NAALADL2: variants seen among roughly 807,000 people sequenced by gnomAD.
The protein encoded by NAALADL2 is inactive N-acetylated-alpha-linked acidic dipeptidase-like protein 2.
A neutral mutation model predicts 87.2 loss-of-function variants in NAALADL2; 76 were observed. The ratio of observed to expected loss-of-function variants is 0.87; its 90% CI spans 0.72 to 1.05. The LOEUF (loss-of-function observed/expected upper bound fraction) is 1.05. NAALADL2 is among the 50% of genes least tolerant of loss of function. NAALADL2 has a pLI of 0.00. For synonymous variants in NAALADL2, 354 were observed against 331.0 expected (o/e 1.07, Z -0.75); for missense variants, 1,089 against 945.8 (o/e 1.15, Z -1.99).
At chr3:175,573,826 G>A (rs1295523690) in intron 9 of NAALADL2, among the ~76,000 whole-genome samples, 1 of 152,058 alleles carries the variant, frequency 6.6e-6, no homozygotes, top group Non-Finnish European at 1.5e-5. Flanking sequence ...GCTGGTGGGG[G>A]GTGGGGGTCA....
chr3:175,486,208 A>ATAT (rs1350497114), intron 9 of NAALADL2, among the ~76,000 whole-genome samples: 2 of 152,218 alleles, frequency 1.3e-5, no homozygotes, highest in African/African-American at 4.8e-5. Flanking sequence ...CCACTGCAAG[A>ATAT]CTACATCATA....
At chr3:175,307,839 T>A (rs1436950717) in intron 4 of NAALADL2, among the ~76,000 whole-genome samples, 1 of 152,190 alleles carries the variant, frequency 6.6e-6, no homozygotes, top group East Asian at 1.9e-4. Context: ...CACCTCACAA[T>A]GTTCTGTTGT....
chr3:174,543,700 A>G (rs1025878910), intron 1 of NAALADL2, among the ~76,000 whole-genome samples: 3 of 152,092 alleles, frequency 2.0e-5, no homozygotes, highest in Non-Finnish European at 4.4e-5. Context: ...GTATTATGTA[A>G]GCATAATTTA....
chr3:175,122,586 A>G (rs1726316682), intron 2 of NAALADL2, among the ~76,000 whole-genome samples: 1 of 151,808 alleles, frequency 6.6e-6, no homozygotes, highest in African/African-American at 2.4e-5. Flanking sequence ...AGAATTTATC[A>G]TCTAGTATTA....
chr3:175,259,428 TAGTC>T (rs768272626), intron 4 of NAALADL2, among the ~76,000 whole-genome samples: 10 of 152,180 alleles, frequency 6.6e-5, no homozygotes, highest in African/African-American at 1.2e-4. Flanking sequence ...TTATTAACAA[TAGTC>T]AGAGGAATAG....
At chr3:175,003,634 A>G (rs1748552500) in intron 1 of NAALADL2, among the ~76,000 whole-genome samples, 1 of 152,204 alleles carries the variant, frequency 6.6e-6, no homozygotes, top group African/African-American at 2.4e-5. Context: ...CTCATTACAT[A>G]TGAAAAAAAA....
intron 2 of NAALADL2, among the ~76,000 whole-genome samples, chr3:174,572,501 A>G (rs958061222): frequency 3.0e-4 from 46 of 152,176 alleles, no homozygotes; most frequent in Non-Finnish European, 6.2e-4. Context: ...TGCAGTAATC[A>G]TTTCTTTTGG....
intron 13 of NAALADL2, among the ~76,000 whole-genome samples, chr3:175,792,379 A>T (rs1472369429): frequency 6.6e-6 from 1 of 152,190 alleles, no homozygotes; most frequent in Non-Finnish European, 1.5e-5. Flanking sequence ...TTTGTGATCA[A>T]CATTCATAGA....
intron 6 of NAALADL2, among the ~76,000 whole-genome samples, chr3:175,452,228 A>ATT (rs10661611): frequency 0.6 from 91,177 of 151,062 alleles, 28,873 homozygotes; most frequent in South Asian, 0.75. Context: ...ATGTCTTCAG[A>ATT]TTCTCTCTCT....
intron 3 of NAALADL2, among the ~76,000 whole-genome samples, chr3:175,241,302 C>G (rs1176819566): frequency 6.6e-6 from 1 of 152,088 alleles, no homozygotes; most frequent in African/African-American, 2.4e-5. Flanking sequence ...CTCACTGTAA[C>G]CTCTGCCTCC....
chr3:175,582,510 A>G (rs1431860129), intron 10 of NAALADL2, among the ~76,000 whole-genome samples: 1 of 152,196 alleles, frequency 6.6e-6, no homozygotes, highest in Admixed American at 6.5e-5. Context: ...AAGCCTTTTT[A>G]AAAATAATTT....
At chr3:175,121,629 A>G (rs900607405) in intron 2 of NAALADL2, among the ~76,000 whole-genome samples, 2 of 151,790 alleles carry the variant, frequency 1.3e-5, no homozygotes, top group Non-Finnish European at 2.9e-5. Flanking sequence ...AAACCTACAT[A>G]TTCATCCACA....
intron 2 of NAALADL2, among the ~76,000 whole-genome samples, chr3:175,113,787 G>GC (rs1311400350): frequency 1.3e-5 from 2 of 151,512 alleles, no homozygotes; most frequent in Non-Finnish European, 3.0e-5. Flanking sequence ...AAGCATGCCT[G>GC]CCTATTGCCC....
intron 11 of NAALADL2, among the ~76,000 whole-genome samples, chr3:175,637,601 G>T (rs1015608804): frequency 5.3e-5 from 8 of 152,052 alleles, no homozygotes; most frequent in African/African-American, 1.7e-4. Context: ...TTGCTCTCTT[G>T]CTTGCTCTCA....
At chr3:175,654,475 ACTT>A (rs2149795388) in intron 11 of NAALADL2, among the ~76,000 whole-genome samples, 1 of 152,228 alleles carries the variant, frequency 6.6e-6, no homozygotes, top group East Asian at 1.9e-4. Context: ...AGATCTTTAA[ACTT>A]CTTTTTGCTT....
chr3:175,210,409 T>G (rs1331189625), intron 2 of NAALADL2, among the ~76,000 whole-genome samples: 2 of 151,944 alleles, frequency 1.3e-5, no homozygotes, highest in East Asian at 1.9e-4. Flanking sequence ...TACACTTTGA[T>G]CTTACTTTTT....
chr3:175,233,166 T>C (rs1016327478), intron 2 of NAALADL2, among the ~76,000 whole-genome samples: 3 of 152,190 alleles, frequency 2.0e-5, no homozygotes, highest in Non-Finnish European at 4.4e-5. Flanking sequence ...ATCATGTAAT[T>C]TGGCATAAAA....
chr3:175,039,281 C>T (rs1753773660), intron 1 of NAALADL2, among the ~76,000 whole-genome samples: 1 of 152,156 alleles, frequency 6.6e-6, no homozygotes, highest in Non-Finnish European at 1.5e-5. Context: ...ATTCTCCTGC[C>T]TCAGCCTCCT....
chr3:175,181,718 T>TGTGTGTGTATATGC (rs1553802465), intron 2 of NAALADL2, among the ~76,000 whole-genome samples: 16,259 of 71,630 alleles, frequency 0.23, 1,992 homozygotes, highest in Non-Finnish European at 0.31. Context: ...TGTGTGTGTG[T>TGTGTGTGTATATGC]ATATATATGT....
Sources: allele counts gnomAD v4.1 joint callset (sites outside exome capture counted in the v4.1 genomes callset), GRCh38; gene constraint gnomAD v4.1.1; transcripts MANE v1.5; gene names NCBI Gene and HGNC (gene_info 2026-07-23, HGNC 2026-07-21).